The following PKN2 variants were observed in gnomAD, a reference collection of about 807,000 sequenced individuals.
The protein encoded by PKN2 is serine/threonine-protein kinase N2.
Under a neutral mutation model 119.1 loss-of-function variants are expected in PKN2, and 38 were observed. That is an observed-to-expected ratio of 0.32 (90% CI 0.25 to 0.42). The LOEUF (loss-of-function observed/expected upper bound fraction) is 0.42, where lower values mean the gene tolerates loss of function less well. Among genes scored for constraint, PKN2 ranks in the 10% least tolerant of loss-of-function variants. The pLI is 1.00. For missense variants in PKN2, 850 were observed against 1,165.1 expected (o/e 0.73, Z 3.94); for synonymous variants, 390 against 384.9 (o/e 1.01, Z -0.15).
intron 2 of PKN2, among the ~76,000 whole-genome samples, chr1:88,754,629 A>G (rs938169279): frequency 6.6e-6 from 1 of 152,194 alleles, no homozygotes; most frequent in African/African-American, 2.4e-5. Flanking sequence ...TTGGAGCTAG[A>G]TAGCACAAGA....
At chr1:88,724,075 CTATT>C (rs1182741104) in intron 1 of PKN2, among the ~76,000 whole-genome samples, 12 of 152,140 alleles carry the variant, frequency 7.9e-5, no homozygotes, top group East Asian at 1.9e-4. Flanking sequence ...AGTTAGGTAA[CTATT>C]TAGTTAAGTT....
At chr1:88,797,051 G>C (rs550564740) in intron 8 of PKN2, among the ~76,000 whole-genome samples, 1 of 151,626 alleles carries the variant, frequency 6.6e-6, no homozygotes, top group African/African-American at 2.4e-5. Flanking sequence ...GAAAATGTCA[G>C]GGCCAGGCAC....
chr1:88,690,896 C>T (rs1666306125), intron 1 of PKN2, among the ~76,000 whole-genome samples: 1 of 152,104 alleles, frequency 6.6e-6, no homozygotes, highest in Non-Finnish European at 1.5e-5. Context: ...TAGGATTTAT[C>T]TCTTTTAGAA....
chr1:88,819,991 C>G (rs912654011), intron 16 of PKN2, among the ~76,000 whole-genome samples: 2 of 149,814 alleles, frequency 1.3e-5, no homozygotes, highest in Admixed American at 1.3e-4. Flanking sequence ...CATCACACAC[C>G]GGGGGTCGGG....
intron 1 of PKN2, among the ~76,000 whole-genome samples, chr1:88,702,538 A>T (rs916473718): frequency 6.6e-6 from 1 of 152,164 alleles, no homozygotes; most frequent in African/African-American, 2.4e-5. Context: ...GCATTGTGTT[A>T]TTTTTATTCT....
At chr1:88,753,194 C>T (rs967542404) in intron 2 of PKN2, among the ~76,000 whole-genome samples, 2 of 151,976 alleles carry the variant, frequency 1.3e-5, no homozygotes, top group Non-Finnish European at 2.9e-5. Context: ...CAGTTTTTGC[C>T]GTTGTAATTA....
chr1:88,770,523 T>C (rs547482705), intron 4 of PKN2, 54 bp downstream of exon 4: 5 of 946,124 alleles, frequency 5.3e-6, no homozygotes, highest in African/African-American at 4.8e-5. Flanking sequence ...TAAATAATCT[T>C]ATGCAGGAAC....
intron 2 of PKN2, among the ~76,000 whole-genome samples, chr1:88,741,989 A>G (rs1570563173): frequency 2.0e-5 from 3 of 152,208 alleles, no homozygotes. Flanking sequence ...TAAAGGTAAC[A>G]TTACTTTTTG....
chr1:88,743,134 G>T (rs983716334), intron 2 of PKN2, among the ~76,000 whole-genome samples: 1 of 152,222 alleles, frequency 6.6e-6, no homozygotes, highest in Non-Finnish European at 1.5e-5. Context: ...AGGTTGTGTT[G>T]AGCCAAGATC....
chr1:88,731,252 G>A (rs1253736987), intron 1 of PKN2, among the ~76,000 whole-genome samples: 4 of 152,184 alleles, frequency 2.6e-5, no homozygotes, highest in East Asian at 3.8e-4. Flanking sequence ...AGTACACTGG[G>A]CTTGTGTTTG....
rs761087281 is a variant in PKN2, at chr1:88,805,958, T to G, written c.1744T>G (p.Ser582Ala). 40 of 1,612,858 alleles carry G rather than the reference T, an allele frequency of 2.5e-5. No individual in the cohort carries two copies. Among genetic ancestry groups the G allele is most frequent in the East Asian group, 1.8e-4 (8 of 44,874 alleles). ...ACCTCCTCCAGCCCCACCACGAGCT[T>G]CTTCTCTTGGAGAAATAGATGAATC... ...PEPPPAPPRASSLGEIDESSE... is the reference protein window; with the variant it reads ...PEPPPAPPRAASLGEIDESSE... The change falls in exon 12 of 22, where the codon TCT (serine) becomes GCT (alanine). Residue 582 changes from serine to alanine, a missense_variant. Around this residue, in one of 9 missense-constraint regions of PKN2, gnomAD observed 216 missense variants for 252.8 expected, o/e 0.85. Transcript: ENST00000370521.
intron 6 of PKN2, among the ~76,000 whole-genome samples, chr1:88,774,684 T>G (rs1384066142): frequency 2.0e-5 from 3 of 151,966 alleles, no homozygotes; most frequent in Non-Finnish European, 4.4e-5. Flanking sequence ...CTTCTTTTGG[T>G]TTTGATTGAA....
At chr1:88,797,309 G>C (rs1238807379) in intron 8 of PKN2, among the ~76,000 whole-genome samples, 2 of 150,590 alleles carry the variant, frequency 1.3e-5, no homozygotes, top group African/African-American at 4.9e-5. Flanking sequence ...ACTCCAGCCT[G>C]GGCAACAAGA....
Position 88,805,673 on chromosome 1 carries a change from T to C in PKN2, c.1676+2T>C. On this transcript the variant is annotated splice_donor_variant, in intron 11 of 21. Coordinates refer to ENST00000370521, the MANE Select transcript of PKN2 (RefSeq NM_006256.4). LOFTEE classifies it high-confidence loss of function. Reference sequence around the variant, plus strand: ...CCCTCAACTAGCACCTCCAGCTAGGTATGTGTCTGAGATTTTAAGCATCTC... The same window carrying C: ...CCCTCAACTAGCACCTCCAGCTAGGCATGTGTCTGAGATTTTAAGCATCTC... 1.2e-6 allele frequency: 2 copies of C among 1,613,834 alleles called. No homozygotes were observed. The highest frequency in any genetic ancestry group is 8.5e-7 in the Non-Finnish European group (1 of 1,179,876).
chr1:88,808,022 T>C (rs1404706232), intron 15 of PKN2, among the ~76,000 whole-genome samples: 2 of 152,156 alleles, frequency 1.3e-5, no homozygotes, highest in Admixed American at 6.5e-5. Context: ...CTAATTTTGT[T>C]AAGTTTTTTA....
chr1:88,784,226 C>A (rs997251248), intron 6 of PKN2, among the ~76,000 whole-genome samples: 1 of 144,496 alleles, frequency 6.9e-6, no homozygotes, highest in Admixed American at 7.2e-5. Context: ...TGGGTTCAAG[C>A]AATTCTTGTG....
chr1:88,806,970 G>T (rs775924715), intron 12 of PKN2, among the ~76,000 whole-genome samples: 19 of 151,766 alleles, frequency 1.3e-4, no homozygotes, highest in Non-Finnish European at 2.2e-4. Flanking sequence ...CGCCCGCCTC[G>T]GCCTACCAAA....
intron 8 of PKN2, among the ~76,000 whole-genome samples, chr1:88,803,046 C>G (rs1671386827): frequency 6.6e-6 from 1 of 152,020 alleles, no homozygotes; most frequent in South Asian, 2.1e-4. Flanking sequence ...GCCTTAGTAC[C>G]CCATCCCTTC....
chr1:88,754,609 G>A (rs1324375663), intron 2 of PKN2, among the ~76,000 whole-genome samples: 1 of 152,214 alleles, frequency 6.6e-6, no homozygotes, highest in African/African-American at 2.4e-5. Flanking sequence ...AATAGTAGTG[G>A]AGAATTAGCT....
Sources: gnomAD v4.1 joint callset for allele counts (sites outside exome capture counted in the v4.1 genomes callset) on GRCh38, gnomAD v4.1.1 for gene constraint, gnomAD v4.1.1 regional missense constraint, MANE v1.5 for transcripts, NCBI Gene and HGNC (gene_info 2026-07-23, HGNC 2026-07-21) for gene names.